The following C3orf49 variants were observed in gnomAD, a reference collection of about 807,000 sequenced individuals.
The protein encoded by C3orf49 is chromosome 3 open reading frame 49.
C3orf49 carries 27 observed loss-of-function variants against 13.3 expected under a neutral mutation model. The ratio of observed to expected loss-of-function variants is 2.02; its 90% confidence interval spans 1.49 to 2.79. The LOEUF (loss-of-function observed/expected upper bound fraction) is 2.79, where lower values mean the gene tolerates loss of function less well. C3orf49 is among the 30% of genes most tolerant of loss of function. C3orf49 has a pLI of 0.00. For missense variants in C3orf49, 242 were observed against 134.2 expected, an observed-to-expected ratio of 1.80 and a Z score of -3.97; for synonymous variants, 87 against 47.6, an observed-to-expected ratio of 1.83 and a Z score of -3.40.
rs114349001 is a variant in C3orf49 at position 63,847,865 on chromosome 3, G to C, written c.*31-499G>C. On this transcript the variant is annotated intron_variant, in intron 6 of 6. Coordinates refer to ENST00000295896, the MANE Select transcript of C3orf49 (RefSeq NM_001355236.2). The stretch of plus-strand genomic sequence containing the variant: ...TCTAAGCCCTCCAGCCAATTGAATG[G>C]ACACCCATTCAATAGGCCAAGGGCT... Among the ~76,000 whole-genome samples, 1,270 of 152,264 alleles carry C rather than the reference G, an allele frequency of 8.3e-3. 18 individuals are homozygous for C. Among genetic ancestry groups the C allele is most frequent in the African/African-American group, 0.027 (1,109 of 41,540 alleles).
At position 63,827,743 on chromosome 3, in the gene C3orf49, T is replaced by A. The variant is rs76275095; in HGVS notation, c.570+18T>A. On this transcript the variant is annotated intron_variant, in intron 3 of 6. Coordinates refer to ENST00000295896, the MANE Select transcript of C3orf49 (RefSeq NM_001355236.2). Reference sequence around the variant, plus strand: ...TGCAAAAGGTAAAACGCTAAATGAATTTGCCTCTGAAGACTTACACATAAC... The same window carrying A: ...TGCAAAAGGTAAAACGCTAAATGAAATTGCCTCTGAAGACTTACACATAAC... 9,494 of 701,544 alleles carry A rather than the reference T, an allele frequency of 0.014. 158 individuals are homozygous for A. The highest frequency in any genetic ancestry group is 0.059 in the African/African-American group (3,398 of 57,230). The allele number at this position is 701,544 out of a possible 1,614,324, so 43.5% of individuals were successfully genotyped here. A position where few individuals can be genotyped will look rare whatever the true frequency, so the allele number is the denominator to read the frequency against.
At chr3:63,826,064 T>G (rs1232545890) in intron 2 of C3orf49, among the ~76,000 whole-genome samples, 1 of 152,124 alleles carries the variant, frequency 6.6e-6, no homozygotes, top group Non-Finnish European at 1.5e-5. Context: ...AATTAGGAAA[T>G]GAAAGAAATC....
At chr3:63,844,738 T>C (rs1238102786) in intron 5 of C3orf49, among the ~76,000 whole-genome samples, 1 of 152,242 alleles carries the variant, frequency 6.6e-6, no homozygotes, top group African/African-American at 2.4e-5. Flanking sequence ...CCTTTTGCCA[T>C]GTTATGACAC....
At chr3:63,804,103 T>C in the C3orf49 span, among the ~76,000 whole-genome samples, 1 of 152,022 alleles carries the variant, frequency 6.6e-6, no homozygotes, top group South Asian at 2.1e-4. Context: ...GCTCAGGAGA[T>C]AATGAGAGTG....
At chr3:63,838,184 AT>A in intron 5 of C3orf49, 2 of 1,029,500 alleles carry the variant, frequency 1.9e-6, no homozygotes, top group Non-Finnish European at 2.8e-6. Flanking sequence ...TTTTTAAAAA[AT>A]AGCTGTAACC....
At chr3:63,796,130 G>A in the C3orf49 span, among the ~76,000 whole-genome samples, 2,619 of 151,864 alleles carry the variant, frequency 0.017, 56 homozygotes, top group African/African-American at 0.058. Context: ...TCACCTTTTT[G>A]GTATATTTAA....
chr3:63,793,212 T>A, the C3orf49 span, among the ~76,000 whole-genome samples: 1 of 152,168 alleles, frequency 6.6e-6, no homozygotes, highest in South Asian at 2.1e-4. Context: ...GTCTCAAGCA[T>A]AAATTATAAT....
intron 5 of C3orf49, chr3:63,838,068 T>C: frequency 1.3e-6 from 2 of 1,584,824 alleles, no homozygotes; most frequent in East Asian, 2.3e-5. Context: ...ACATTCTATA[T>C]GAGAAGGTTT....
chr3:63,828,634 A>C (rs1336977352), intron 3 of C3orf49, among the ~76,000 whole-genome samples: 1 of 152,110 alleles, frequency 6.6e-6, no homozygotes, highest in Admixed American at 6.5e-5. Flanking sequence ...TGCCCAGACT[A>C]TTTTTCAAAA....
Position 63,831,846 on chromosome 3 carries a change from T to C in C3orf49, c.849+2T>C. The C allele has an allele frequency of 1.4e-6, 1 of 698,806 alleles. No individual in the cohort carries two copies. Among genetic ancestry groups the C allele is most frequent in the Non-Finnish European group, 2.6e-6 (1 of 383,690 alleles). The allele number at this position is 698,806 out of a possible 1,614,324, so 43.3% of individuals were successfully genotyped here. Reference sequence around the variant, plus strand: ...ATGAGGAAGTATAAATTAAAAAATGTGTGTTTCCCATGTACCTGCTGCTGC... The same window carrying C: ...ATGAGGAAGTATAAATTAAAAAATGCGTGTTTCCCATGTACCTGCTGCTGC... On this transcript the variant is annotated splice_donor_variant, in intron 5 of 6. Coordinates refer to ENST00000295896, the MANE Select transcript of C3orf49 (RefSeq NM_001355236.2). LOFTEE classifies it high-confidence loss of function.
the C3orf49 span, among the ~76,000 whole-genome samples, chr3:63,788,276 C>T: frequency 5.3e-4 from 81 of 152,296 alleles, no homozygotes; most frequent in Non-Finnish European, 8.8e-4. Flanking sequence ...TCCAAGAATA[C>T]ATAACTAGTG....
intron 1 of C3orf49, among the ~76,000 whole-genome samples, chr3:63,822,382 G>A (rs907531432): frequency 2.6e-5 from 4 of 152,186 alleles, no homozygotes; most frequent in African/African-American, 9.6e-5. Context: ...TTTGGGTGAA[G>A]CTAACAAAAA....
intron 2 of C3orf49, among the ~76,000 whole-genome samples, chr3:63,824,836 C>CAAAAAAA (rs34464702): frequency 4.1e-4 from 44 of 107,164 alleles, no homozygotes; most frequent in South Asian, 6.3e-4. Flanking sequence ...GACCCTGTCT[C>CAAAAAAA]AAAAAAAAAA....
intron 1 of C3orf49, 55 bp from the exon 2 acceptor site, chr3:63,823,195 T>C (rs2107096747): frequency 1.6e-6 from 1 of 608,458 alleles, no homozygotes; most frequent in African/African-American, 1.8e-5. Flanking sequence ...TGATTTAAAT[T>C]TTTCACTTTT....
the C3orf49 span, among the ~76,000 whole-genome samples, chr3:63,813,558 G>A: frequency 3.9e-4 from 60 of 151,962 alleles, no homozygotes; most frequent in East Asian, 0.01. Flanking sequence ...AAAAACAAAT[G>A]AAAAAAAGGC....
chr3:63,838,622 T>C, intron 5 of C3orf49: 1 of 983,476 alleles, frequency 1.0e-6, no homozygotes, highest in Non-Finnish European at 1.5e-6. Flanking sequence ...CATTTGCTTA[T>C]TTAAAATTTA....
chr3:63,799,979 C>A, the C3orf49 span, among the ~76,000 whole-genome samples: 48 of 152,242 alleles, frequency 3.2e-4, no homozygotes, highest in East Asian at 8.9e-3. Flanking sequence ...GTCTTGACAT[C>A]TTTTGCTAAA....
At chr3:63,828,303 GTGTT>G (rs780361654) in intron 3 of C3orf49, among the ~76,000 whole-genome samples, 10 of 152,080 alleles carry the variant, frequency 6.6e-5, no homozygotes, top group Non-Finnish European at 1.3e-4. Flanking sequence ...TTTTGTTTGT[GTGTT>G]TGTTTGTTTT....
At chr3:63,815,023 C>T (rs910033014), upstream of C3orf49, among the ~76,000 whole-genome samples, 6 of 152,164 alleles carry the variant, frequency 3.9e-5, no homozygotes, top group African/African-American at 1.4e-4. Flanking sequence ...AAAGCAGGGG[C>T]AAGAGAGAGA....
Sources: allele counts gnomAD v4.1 joint callset (sites outside exome capture counted in the v4.1 genomes callset), GRCh38; gene constraint gnomAD v4.1.1; transcripts MANE v1.5; gene names NCBI Gene and HGNC (gene_info 2026-07-23, HGNC 2026-07-21).